Variants in TENM4 observed in about 807,000 individuals in gnomAD.
TENM4 encodes teneurin-4.
Under a neutral mutation model 243.3 loss-of-function variants are expected in TENM4, and 82 were observed. The observed-to-expected ratio is 0.34, with a 90% CI of 0.28 to 0.40. TENM4 has a LOEUF of 0.40. Ranked by LOEUF, TENM4 falls within the 10% of genes least tolerant of loss-of-function variation. The pLI is 1.00. For missense variants in TENM4, 3,138 were observed against 3,673.3 expected (o/e 0.85, Z 3.77); for synonymous variants, 1,412 against 1,456.3 (o/e 0.97, Z 0.69).
chr11:79,279,376 G>T (rs982119024), intron 2 of TENM4, among the ~76,000 whole-genome samples: 6 of 152,190 alleles, frequency 3.9e-5, no homozygotes, highest in Non-Finnish European at 7.3e-5. Context: ...GGCAGAAAGG[G>T]AGAGGAAGTG....
intron 20 of TENM4, among the ~76,000 whole-genome samples, chr11:78,736,602 C>T (rs2135895924): frequency 6.6e-6 from 1 of 152,218 alleles, no homozygotes; most frequent in African/African-American, 2.4e-5. Flanking sequence ...ACTGTTATTT[C>T]CAGACTATAT....
intron 4 of TENM4, chr11:79,092,933 G>A (rs1860995684): frequency 6.6e-6 from 1 of 152,186 alleles, no homozygotes; most frequent in South Asian, 2.1e-4. Context: ...TGCAGTATGA[G>A]GATTGTAACC....
intron 6 of TENM4, among the ~76,000 whole-genome samples, chr11:79,045,146 T>C (rs1160724403): frequency 6.6e-6 from 1 of 152,140 alleles, no homozygotes; most frequent in African/African-American, 2.4e-5. Context: ...ATCAATACTT[T>C]AAAACATGGC....
At chr11:79,117,390 A>G (rs1194991502) in intron 4 of TENM4, among the ~76,000 whole-genome samples, 2 of 152,178 alleles carry the variant, frequency 1.3e-5, no homozygotes, top group Non-Finnish European at 2.9e-5. Flanking sequence ...CTCATGTCAA[A>G]CAATCCCAGT....
intron 1 of TENM4, among the ~76,000 whole-genome samples, chr11:79,379,535 A>G (rs1017813625): frequency 1.8e-4 from 28 of 152,172 alleles, no homozygotes; most frequent in African/African-American, 6.8e-4. Context: ...GGGTTCAAGG[A>G]GTACTGTGAT....
chr11:79,346,801 A>G (rs780834135), intron 1 of TENM4, among the ~76,000 whole-genome samples: 1 of 152,200 alleles, frequency 6.6e-6, no homozygotes, highest in South Asian at 2.1e-4. Context: ...TTTTCCCCCA[A>G]CTGCCTCAAG....
At chr11:79,068,997 G>A (rs878949650) in intron 5 of TENM4, among the ~76,000 whole-genome samples, 1 of 152,180 alleles carries the variant, frequency 6.6e-6, no homozygotes, top group African/African-American at 2.4e-5. Context: ...AGCTCTGGGT[G>A]AAGGGGGGTG....
At chr11:79,314,059 G>T (rs1856764833) in intron 1 of TENM4, among the ~76,000 whole-genome samples, 1 of 152,194 alleles carries the variant, frequency 6.6e-6, no homozygotes, top group African/African-American at 2.4e-5. Context: ...AGTACAGAAT[G>T]TGCAGAGCTG....
At chr11:79,430,643 C>T (rs879469440) in intron 1 of TENM4, among the ~76,000 whole-genome samples, 2 of 152,236 alleles carry the variant, frequency 1.3e-5, no homozygotes, top group African/African-American at 2.4e-5. Flanking sequence ...ACAATCCACA[C>T]AGCCATGAGA....
intron 1 of TENM4, among the ~76,000 whole-genome samples, chr11:79,414,176 AC>A (rs1858764007): frequency 1.3e-5 from 2 of 151,988 alleles, no homozygotes; most frequent in South Asian, 2.1e-4. Flanking sequence ...ACACACACAC[AC>A]ACACACGCAC....
At chr11:79,210,634 C>G (rs1393512391) in intron 3 of TENM4, among the ~76,000 whole-genome samples, 1 of 152,146 alleles carries the variant, frequency 6.6e-6, no homozygotes, top group African/African-American at 2.4e-5. Flanking sequence ...GCAAGGTAAC[C>G]TGGGGAGCCC....
intron 6 of TENM4, among the ~76,000 whole-genome samples, chr11:79,052,821 C>T (rs1011848141): frequency 2.0e-5 from 3 of 152,192 alleles, no homozygotes; most frequent in African/African-American, 7.2e-5. Context: ...TTGCCTTCCT[C>T]CCACAGACTA....
At chr11:79,216,142 G>C (rs922621446) in intron 2 of TENM4, among the ~76,000 whole-genome samples, 1 of 152,156 alleles carries the variant, frequency 6.6e-6, no homozygotes, top group South Asian at 2.1e-4. Context: ...ACCTTCTTCT[G>C]TTCTCCCATC....
intron 28 of TENM4, among the ~76,000 whole-genome samples, chr11:78,700,522 C>T (rs779188878): frequency 4.6e-5 from 7 of 152,102 alleles, no homozygotes; most frequent in African/African-American, 7.2e-5. Context: ...CAATCTCAGT[C>T]GTGTGAACCA....
chr11:78,687,019 T>C lies in TENM4; in HGVS notation c.5260+1035A>G, dbSNP rs548786079. 8.5e-5 allele frequency among the ~76,000 whole-genome samples: 13 copies of C among 152,350 alleles called. No homozygotes were observed. The East Asian group carries it at 2.5e-3, about 29-fold the overall frequency. ...TGAGCAATAGTATGTGCTTGGCTCA[T>C]GCTAGTCACTACACTGTCTAAAGAG... On this transcript the variant is annotated intron_variant, in intron 29 of 33. Transcript: ENST00000278550.
At chr11:79,390,557 G>C (rs1009953276) in intron 1 of TENM4, among the ~76,000 whole-genome samples, 2 of 152,076 alleles carry the variant, frequency 1.3e-5, no homozygotes, top group African/African-American at 4.8e-5. Context: ...GGGGCCCACA[G>C]AGAAAGTGAA....
intron 1 of TENM4, among the ~76,000 whole-genome samples, chr11:79,395,656 C>A (rs1383746880): frequency 6.6e-6 from 1 of 152,182 alleles, no homozygotes; most frequent in African/African-American, 2.4e-5. Flanking sequence ...GGTCCTACCT[C>A]TTGGATTTTA....
intron 15 of TENM4, among the ~76,000 whole-genome samples, chr11:78,788,908 C>G (rs1292977496): frequency 6.6e-6 from 1 of 152,180 alleles, no homozygotes; most frequent in African/African-American, 2.4e-5. Flanking sequence ...CCCTGTTAGA[C>G]AGTGTAATCT....
chr11:79,243,312 GTC>G (rs1212955693), intron 2 of TENM4, among the ~76,000 whole-genome samples: 13 of 152,116 alleles, frequency 8.5e-5, no homozygotes, highest in Non-Finnish European at 1.8e-4. Flanking sequence ...TGCATGGGCT[GTC>G]TTGTCGTTGT....
Sources: allele counts gnomAD v4.1 joint callset (sites outside exome capture counted in the v4.1 genomes callset), GRCh38; gene constraint gnomAD v4.1.1; transcripts MANE v1.5; gene names NCBI Gene and HGNC (gene_info 2026-07-23, HGNC 2026-07-21).